The following RIC8B variants were observed in gnomAD, a reference collection of about 807,000 sequenced individuals.
RIC8B encodes the protein RIC8 guanine nucleotide exchange factor B, also known as chaperone Ric-8B.
A neutral mutation model predicts 57.5 loss-of-function variants in RIC8B; 16 were observed. That is an observed-to-expected ratio of 0.28 (90% CI 0.19 to 0.42). The LOEUF (loss-of-function observed/expected upper bound fraction) is 0.42, where lower values mean the gene tolerates loss of function less well. Ranked by LOEUF, RIC8B falls within the 10% of genes least tolerant of loss-of-function variation. RIC8B has a pLI of 1.00. For missense variants in RIC8B, 481 were observed against 677.0 expected (o/e 0.71, Z 3.21); for synonymous variants, 216 against 250.8 (o/e 0.86, Z 1.31).
At chr12:106,883,207 C>G (rs77799819) in intron 9 of RIC8B, among the ~76,000 whole-genome samples, 380 of 152,258 alleles carry the variant, frequency 2.5e-3, no homozygotes, top group Admixed American at 4.3e-3. Context: ...GTCCCCACCC[C>G]ACACCTGAGT....
Position 106,879,817 on chromosome 12 carries a change from T to C in RIC8B, c.1572-6087T>C, listed in dbSNP as rs1018630266. ...CTTATCTCTTCCCTGGCCAGATGCCTGATCAGATGAGAAGCCCGCCATGAT... is the reference window on the plus strand; with the variant it reads ...CTTATCTCTTCCCTGGCCAGATGCCCGATCAGATGAGAAGCCCGCCATGAT... On this transcript the variant is annotated intron_variant, in intron 9 of 9. Coordinates refer to ENST00000392837, the MANE Select transcript of RIC8B (RefSeq NM_001330145.2). The surrounding 1 kb of genome is among the most constrained non-coding windows in gnomAD (Gnocchi z 4.9). 2.0e-6 allele frequency: 2 copies of C among 985,432 alleles called. No individual in the cohort carries two copies. The highest frequency in any genetic ancestry group is 2.4e-6 in the Non-Finnish European group (2 of 829,932). The allele number at this position is 985,432 out of a possible 1,614,324, so 61.0% of individuals were successfully genotyped here. A position where few individuals can be genotyped will look rare whatever the true frequency, so the allele number is the denominator to read the frequency against.
At chr12:106,882,520 A>G (rs1950992899) in intron 9 of RIC8B, among the ~76,000 whole-genome samples, 1 of 152,120 alleles carries the variant, frequency 6.6e-6, no homozygotes, top group Non-Finnish European at 1.5e-5. Context: ...CATCTTCACT[A>G]GTCAGTAGGT....
chr12:106,779,258 G>T (rs2043638390), intron 1 of RIC8B, among the ~76,000 whole-genome samples: 1 of 137,766 alleles, frequency 7.3e-6, no homozygotes, highest in Non-Finnish European at 1.6e-5. Flanking sequence ...TTGAGACAGA[G>T]TCTCATTCTG....
At chr12:106,884,504 T>C (rs1224494932) in intron 9 of RIC8B, among the ~76,000 whole-genome samples, 1 of 152,156 alleles carries the variant, frequency 6.6e-6, no homozygotes, top group Non-Finnish European at 1.5e-5. Flanking sequence ...GTCTCCTTTA[T>C]TAAAGAAGGG....
At chr12:106,840,359 G>A (rs2046812364) in intron 4 of RIC8B, among the ~76,000 whole-genome samples, 1 of 152,162 alleles carries the variant, frequency 6.6e-6, no homozygotes, top group Non-Finnish European at 1.5e-5. Flanking sequence ...ATGAGCGGGA[G>A]GATGTCATGT....
chr12:106,784,575 G>C (rs1185518981), intron 2 of RIC8B, among the ~76,000 whole-genome samples: 1 of 152,052 alleles, frequency 6.6e-6, no homozygotes, highest in Non-Finnish European at 1.5e-5. Flanking sequence ...GCCCATGCTG[G>C]TCTATTGAGC....
chr12:106,807,436 A>G (rs975034810), intron 2 of RIC8B, among the ~76,000 whole-genome samples: 2 of 152,156 alleles, frequency 1.3e-5, no homozygotes, highest in South Asian at 4.1e-4. Flanking sequence ...CCTTCTGAGC[A>G]TTGTCTTAAC....
At chr12:106,866,827 T>G (rs997653001) in intron 8 of RIC8B, among the ~76,000 whole-genome samples, 1 of 152,222 alleles carries the variant, frequency 6.6e-6, no homozygotes, top group African/African-American at 2.4e-5. Context: ...TCTTGATTTC[T>G]AACTTCTTTT....
At chr12:106,830,030 C>A (rs147609629) in intron 4 of RIC8B, among the ~76,000 whole-genome samples, 205 of 152,262 alleles carry the variant, frequency 1.3e-3, no homozygotes, top group Non-Finnish European at 2.7e-3. Flanking sequence ...TATTCTATTT[C>A]ATTTGTCTGT....
intron 1 of RIC8B, among the ~76,000 whole-genome samples, chr12:106,776,352 ACTG>A (rs1192030320): frequency 6.6e-6 from 1 of 152,216 alleles, no homozygotes; most frequent in Non-Finnish European, 1.5e-5. Flanking sequence ...CCGATTTATT[ACTG>A]CTTTCCAGAA....
chr12:106,827,490 T>C (rs2046160631), intron 4 of RIC8B, among the ~76,000 whole-genome samples: 1 of 152,238 alleles, frequency 6.6e-6, no homozygotes, highest in South Asian at 2.1e-4. Context: ...TTAATTGTTA[T>C]TTTTCAATTA....
At chr12:106,834,420 G>A (rs894122975) in intron 4 of RIC8B, among the ~76,000 whole-genome samples, 1 of 152,170 alleles carries the variant, frequency 6.6e-6, no homozygotes, top group African/African-American at 2.4e-5. Context: ...CCAGTTAACT[G>A]GGCATATGTA....
chr12:106,782,529 G>A (rs1490795612), intron 1 of RIC8B, among the ~76,000 whole-genome samples: 2 of 152,122 alleles, frequency 1.3e-5, no homozygotes, highest in South Asian at 2.1e-4. Flanking sequence ...TCACACCTCC[G>A]TCGTAGTCTT....
At chr12:106,881,258 T>G (rs1162214899) in intron 9 of RIC8B, among the ~76,000 whole-genome samples, 3 of 152,106 alleles carry the variant, frequency 2.0e-5, no homozygotes, top group Non-Finnish European at 4.4e-5. Flanking sequence ...AAGAATACCT[T>G]TGTACTCAAG....
At chr12:106,780,526 G>A (rs532362289) in intron 1 of RIC8B, among the ~76,000 whole-genome samples, 34 of 152,238 alleles carry the variant, frequency 2.2e-4, no homozygotes, top group African/African-American at 8.2e-4. Context: ...CCATGTAAGA[G>A]GACTTTTTGT....
At chr12:106,829,274 A>G (rs7959026) in intron 4 of RIC8B, among the ~76,000 whole-genome samples, 16,705 of 152,248 alleles carry the variant, frequency 0.11, 1,070 homozygotes, top group Middle Eastern at 0.16. Flanking sequence ...ACTCCAGTCC[A>G]TAATCAACAA....
chr12:106,802,163 T>C (rs2136232161), intron 2 of RIC8B, among the ~76,000 whole-genome samples: 1 of 152,364 alleles, frequency 6.6e-6, no homozygotes, highest in South Asian at 2.1e-4. Context: ...TTCATGTAAG[T>C]TATGTATTGT....
chr12:106,848,954 C>A (rs1409725097), intron 6 of RIC8B, among the ~76,000 whole-genome samples: 1 of 151,966 alleles, frequency 6.6e-6, no homozygotes. Flanking sequence ...ATGATGGTTA[C>A]CAGAGGCTGG....
At chr12:106,841,865 G>A (rs902429024) in intron 4 of RIC8B, among the ~76,000 whole-genome samples, 6 of 152,128 alleles carry the variant, frequency 3.9e-5, no homozygotes, top group Non-Finnish European at 8.8e-5. Flanking sequence ...AACAGAACAA[G>A]GTTTTTAGGG....
Sources: gnomAD v4.1 joint callset for allele counts (sites outside exome capture counted in the v4.1 genomes callset) on GRCh38, gnomAD v4.1.1 for gene constraint, Gnocchi (gnomAD v3.1) non-coding constraint, MANE v1.5 for transcripts, NCBI Gene and HGNC (gene_info 2026-07-23, HGNC 2026-07-21) for gene names.